RBFOX1: variants seen among roughly 807,000 people sequenced by gnomAD.
The protein encoded by RBFOX1 is RNA binding fox-1 homolog 1, also known as RNA binding protein fox-1 homolog 1.
In RBFOX1, 8 loss-of-function variants were observed where a neutral mutation model predicts 57.7. The observed-to-expected ratio is 0.14, with a 90% confidence interval of 0.08 to 0.25. RBFOX1 has a LOEUF of 0.25. RBFOX1 is among the 10% of genes least tolerant of loss of function. RBFOX1 has a pLI of 1.00. For synonymous variants in RBFOX1, 326 were observed against 222.4 expected (o/e 1.47, Z -4.15); for missense variants, 611 against 548.5 (o/e 1.11, Z -1.14).
intron 3 of RBFOX1, among the ~76,000 whole-genome samples, chr16:6,823,105 G>C (rs917606951): frequency 6.6e-6 from 1 of 152,122 alleles, no homozygotes; most frequent in Non-Finnish European, 1.5e-5. Flanking sequence ...GAGCATCAGA[G>C]GGTCATAGCC....
At chr16:5,723,856 T>G (rs1033141831) in intron 3 of RBFOX1, among the ~76,000 whole-genome samples, 7 of 152,354 alleles carry the variant, frequency 4.6e-5, no homozygotes, top group African/African-American at 1.7e-4. Flanking sequence ...CTTGCACCAT[T>G]GTTTTCCTTA....
At chr16:7,417,350 G>A (rs914656726) in intron 4 of RBFOX1, among the ~76,000 whole-genome samples, 1 of 134,446 alleles carries the variant, frequency 7.4e-6, no homozygotes, top group African/African-American at 2.9e-5. Flanking sequence ...TCCAGCCTGG[G>A]CAACAGAGCG....
intron 1 of RBFOX1, among the ~76,000 whole-genome samples, chr16:6,086,547 G>A (rs545900184): frequency 6.4e-4 from 97 of 152,294 alleles, no homozygotes; most frequent in Non-Finnish European, 1.2e-3. Context: ...AGCAGTGAAC[G>A]AAGAATCTTT....
chr16:6,747,565 G>A (rs1351721504), intron 3 of RBFOX1, among the ~76,000 whole-genome samples: 2 of 152,076 alleles, frequency 1.3e-5, no homozygotes, highest in South Asian at 4.2e-4. Flanking sequence ...CATAATCTCT[G>A]TTAAAAGTGA....
chr16:5,433,154 A>T (rs2067805769), intron 1 of RBFOX1, among the ~76,000 whole-genome samples: 1 of 152,138 alleles, frequency 6.6e-6, no homozygotes, highest in South Asian at 2.1e-4. Flanking sequence ...AAGTGCTGGG[A>T]TTACACGTGT....
At chr16:5,794,246 C>A (rs2054799997) in intron 3 of RBFOX1, among the ~76,000 whole-genome samples, 1 of 152,112 alleles carries the variant, frequency 6.6e-6, no homozygotes, top group Non-Finnish European at 1.5e-5. Context: ...GTCCTTCTTC[C>A]CCTTTCTTTT....
chr16:5,276,542 T>C (rs2063144985), intron 1 of RBFOX1, among the ~76,000 whole-genome samples: 1 of 152,200 alleles, frequency 6.6e-6, no homozygotes. Context: ...CCCAGTACTT[T>C]GGGAGGCCGA....
At chr16:6,658,787 A>G (rs934636744) in intron 3 of RBFOX1, among the ~76,000 whole-genome samples, 4 of 152,102 alleles carry the variant, frequency 2.6e-5, no homozygotes, top group African/African-American at 9.7e-5. Flanking sequence ...CAGAGCCCCT[A>G]TGAATGTACC....
chr16:5,615,268 T>C (rs2047979840), intron 3 of RBFOX1, among the ~76,000 whole-genome samples: 1 of 152,164 alleles, frequency 6.6e-6, no homozygotes, highest in Admixed American at 6.5e-5. Flanking sequence ...TGGACTCAAT[T>C]GATCCTCCTG....
intron 1 of RBFOX1, among the ~76,000 whole-genome samples, chr16:6,082,250 G>T (rs892684148): frequency 1.9e-4 from 26 of 137,628 alleles, no homozygotes; most frequent in African/African-American, 7.2e-4. Flanking sequence ...GTGCAATCTC[G>T]GCTCATTGCA....
intron 1 of RBFOX1, among the ~76,000 whole-genome samples, chr16:6,308,376 T>G (rs1163961743): frequency 1.3e-5 from 2 of 152,250 alleles, no homozygotes; most frequent in Non-Finnish European, 2.9e-5. Flanking sequence ...GGATCATCTG[T>G]TTTGCTTCGC....
Position 7,630,648 on chromosome 16 carries a change from A to G in RBFOX1, c.722A>G (p.Tyr241Cys). 1 of 1,614,072 alleles carries G rather than the reference A, an allele frequency of 6.2e-7. No homozygotes were observed. Among genetic ancestry groups the G allele is most frequent in the Non-Finnish European group, 8.5e-7 (1 of 1,180,030 alleles). ...GCCAACCAGGAGGGATCTTCCATGT[A>G]CAGTGCCCCCAGTTCACTTGTATAT... is the stretch of plus-strand genomic sequence containing the variant. ...CQANQEGSSM[Y>C]SAPSSLVYTS... The change falls in exon 11 of 16, where the codon TAC (tyrosine) becomes TGC (cysteine). Residue 241 changes from tyrosine to cysteine, a missense_variant. Tyr to Cys is a radical substitution (Grantham distance 194, BLOSUM62 -2). Around this residue, in one of 3 missense-constraint regions of RBFOX1, gnomAD observed 267 missense variants for 229.1 expected, o/e 1.17. Coordinates refer to ENST00000550418, the MANE Select transcript of RBFOX1 (RefSeq NM_018723.4).
At chr16:7,210,885 G>T (rs973848988) in intron 4 of RBFOX1, among the ~76,000 whole-genome samples, 2 of 151,696 alleles carry the variant, frequency 1.3e-5, no homozygotes, top group Non-Finnish European at 1.5e-5. Context: ...TTTGCCAAAA[G>T]GGTAGATTCT....
intron 4 of RBFOX1, among the ~76,000 whole-genome samples, chr16:5,892,903 G>A (rs1567678817): frequency 6.6e-6 from 1 of 152,174 alleles, no homozygotes; most frequent in Non-Finnish European, 1.5e-5. Context: ...AACAGGGGCT[G>A]TAGGCCTTGA....
intron 2 of RBFOX1, among the ~76,000 whole-genome samples, chr16:6,456,716 G>C (rs1289121093): frequency 6.6e-6 from 1 of 152,178 alleles, no homozygotes; most frequent in Non-Finnish European, 1.5e-5. Flanking sequence ...TAATGGCTAT[G>C]GGAATGAAGA....
intron 3 of RBFOX1, among the ~76,000 whole-genome samples, chr16:6,977,374 C>T (rs542015768): frequency 2.6e-5 from 4 of 151,808 alleles, no homozygotes; most frequent in East Asian, 3.9e-4. Context: ...CTCTAGATAC[C>T]GGGATATCTG....
At chr16:6,919,243 A>G (rs958600712) in intron 3 of RBFOX1, among the ~76,000 whole-genome samples, 3 of 152,036 alleles carry the variant, frequency 2.0e-5, no homozygotes, top group African/African-American at 4.8e-5. Context: ...TCAGCTTCCC[A>G]AAGTGCTGGG....
chr16:7,666,002 A>AT, intron 13 of RBFOX1, among the ~76,000 whole-genome samples: 2 of 152,256 alleles, frequency 1.3e-5, no homozygotes, highest in South Asian at 2.1e-4. Context: ...GTGGGTTAGT[A>AT]TTTTTTCCCC....
rs115511237 is a variant in RBFOX1 at position 7,161,991 on chromosome 16, C to T, written c.27+109893C>T. Among the ~76,000 whole-genome samples, 348 of 152,324 alleles carry T rather than the reference C, an allele frequency of 2.3e-3. 3 individuals carry two copies. The highest frequency in any genetic ancestry group is 8.0e-3 in the African/African-American group (331 of 41,578). On this transcript the variant is annotated intron_variant, in intron 4 of 15. Transcript: ENST00000550418. ...ACTAAAAACATATTTGTTCCCAGAA[C>T]ACAGCCAGCTAGTAAGGTTTTCCCA...
Sources: allele counts gnomAD v4.1 joint callset (sites outside exome capture counted in the v4.1 genomes callset), GRCh38; gene constraint gnomAD v4.1.1; regional missense constraint gnomAD v4.1.1; transcripts MANE v1.5; gene names NCBI Gene and HGNC (gene_info 2026-07-23, HGNC 2026-07-21).